Variants in SLC24A2 observed in about 807,000 individuals in gnomAD.
SLC24A2 encodes solute carrier family 24 member 2, also known as sodium/potassium/calcium exchanger 2.
In SLC24A2, 36 loss-of-function variants were observed where a neutral mutation model predicts 62.0. The ratio of observed to expected loss-of-function variants is 0.58; its 90% confidence interval spans 0.44 to 0.77. The LOEUF is 0.77. SLC24A2 is among the 30% of genes least tolerant of loss of function. SLC24A2 has a pLI of 0.00. For missense variants in SLC24A2, 846 were observed against 817.9 expected, an observed-to-expected ratio of 1.03 and a Z score of -0.42; for synonymous variants, 358 against 294.0, an observed-to-expected ratio of 1.22 and a Z score of -2.23.
At chr9:19,651,753 G>A (rs1187122999) in intron 2 of SLC24A2, among the ~76,000 whole-genome samples, 4 of 152,158 alleles carry the variant, frequency 2.6e-5, no homozygotes, top group Middle Eastern at 3.2e-3. Context: ...CTAAGATTAG[G>A]ATTGAGGGCC....
At chr9:20,167,354 T>C in the SLC24A2 span, among the ~76,000 whole-genome samples, 6 of 151,970 alleles carry the variant, frequency 3.9e-5, no homozygotes, top group Non-Finnish European at 7.4e-5. Context: ...TAAATGTGTT[T>C]GTGTTGTTGG....
intron 2 of SLC24A2, among the ~76,000 whole-genome samples, chr9:19,766,641 G>C (rs1035792330): frequency 6.6e-6 from 1 of 152,234 alleles, no homozygotes; most frequent in African/African-American, 2.4e-5. Context: ...GAACAGCAAA[G>C]ATTGATGCCT....
intron 7 of SLC24A2, among the ~76,000 whole-genome samples, chr9:19,560,918 GAGAGA>G (rs1835363774): frequency 1.3e-5 from 1 of 79,490 alleles, no homozygotes; most frequent in Admixed American, 1.4e-4. Context: ...TATATATATA[GAGAGA>G]GAGAGAGAGA....
rs542175937 is a variant in SLC24A2, at chr9:19,696,410, C to T, written c.931-74111G>A. ...ACAGGGAAATCAACTTGATGAGGGG[C>T]CTAGTACAGCCATTTGCACAGCTCC... On this transcript the variant is annotated intron_variant, in intron 2 of 10. Coordinates refer to ENST00000341998, the MANE Select transcript of SLC24A2 (RefSeq NM_020344.4). Among the ~76,000 whole-genome samples, 4 of 152,270 alleles carry T rather than the reference C, an allele frequency of 2.6e-5. No individual in the cohort carries two copies. The South Asian group carries it at 8.3e-4, about 32-fold the overall frequency.
intron 2 of SLC24A2, among the ~76,000 whole-genome samples, chr9:19,733,132 T>C (rs1821388854): frequency 6.6e-6 from 1 of 151,902 alleles, no homozygotes. Flanking sequence ...TTCTGGATGG[T>C]ATCTTGGTCC....
At chr9:19,540,574 C>T (rs1309343629) in intron 8 of SLC24A2, among the ~76,000 whole-genome samples, 3,075 of 145,950 alleles carry the variant, frequency 0.021, 154 homozygotes, top group African/African-American at 0.075. Context: ...CCGAGAGATC[C>T]GCTGTTAGTC....
At chr9:20,275,791 T>G in the SLC24A2 span, among the ~76,000 whole-genome samples, 1 of 152,140 alleles carries the variant, frequency 6.6e-6, no homozygotes, top group African/African-American at 2.4e-5. Flanking sequence ...TGGGGAGGCC[T>G]CACAATCATG....
the SLC24A2 span, among the ~76,000 whole-genome samples, chr9:20,202,537 G>C: frequency 2.0e-5 from 3 of 152,118 alleles, no homozygotes; most frequent in Non-Finnish European, 4.4e-5. Flanking sequence ...GGGGATAGTT[G>C]TGGGTTTCAG....
the SLC24A2 span, among the ~76,000 whole-genome samples, chr9:19,956,992 G>A: frequency 6.6e-6 from 1 of 152,180 alleles, no homozygotes; most frequent in African/African-American, 2.4e-5. Context: ...CCTCCGGACT[G>A]TGAGAAATAA....
chr9:20,237,278 G>C, the SLC24A2 span, among the ~76,000 whole-genome samples: 28 of 152,286 alleles, frequency 1.8e-4, no homozygotes, highest in East Asian at 1.7e-3. Flanking sequence ...CCACCATTTA[G>C]TGAGCACCTT....
At chr9:19,924,430 C>A in the SLC24A2 span, among the ~76,000 whole-genome samples, 1 of 152,156 alleles carries the variant, frequency 6.6e-6, no homozygotes, top group Non-Finnish European at 1.5e-5. Flanking sequence ...CCTGCTTTTC[C>A]CCTTTTCTTG....
intron 2 of SLC24A2, among the ~76,000 whole-genome samples, chr9:19,779,919 T>C (rs1822960571): frequency 6.6e-6 from 1 of 151,806 alleles, no homozygotes; most frequent in African/African-American, 2.4e-5. Flanking sequence ...AAAAATTAGC[T>C]GGATGTCGTG....
rs1554690361 is a variant in SLC24A2 at position 19,636,315 on chromosome 9, T to TTTCTTTCTTTTTCTTTCTTTCTTTCTTTC, written c.931-14017_931-14016insGAAAGAAAGAAAGAAAGAAAAAGAAAGAA. Among the ~76,000 whole-genome samples, 2 of 40,328 alleles carry TTTCTTTCTTTTTCTTTCTTTCTTTCTTTC rather than the reference T, an allele frequency of 5.0e-5. 1 individual carries two copies. Among genetic ancestry groups the TTTCTTTCTTTTTCTTTCTTTCTTTCTTTC allele is most frequent in the African/African-American group, 2.3e-4 (2 of 8,648 alleles). 26.5% of individuals were successfully genotyped at this position (40,328 alleles called of 152,430 possible). A position where few individuals can be genotyped will look rare whatever the true frequency, so the allele number is the denominator to read the frequency against. ...TTTTCTTTTCTTTTCTTTTCTTTTC[T>TTTCTTTCTTTTTCTTTCTTTCTTTCTTTC]TTTCTTTCTTTCTTTCTTTCTTTCT... On this transcript the variant is annotated intron_variant, in intron 2 of 10. Transcript: ENST00000341998.
At chr9:20,097,654 C>T in the SLC24A2 span, among the ~76,000 whole-genome samples, 1 of 150,540 alleles carries the variant, frequency 6.6e-6, no homozygotes, top group Non-Finnish European at 1.5e-5. Flanking sequence ...TAAGACAGTC[C>T]CAATGTGGTT....
chr9:20,121,151 T>C, the SLC24A2 span, among the ~76,000 whole-genome samples: 1 of 149,702 alleles, frequency 6.7e-6, no homozygotes. Context: ...CTAATTTCTA[T>C]AGAAAAGCCT....
At chr9:20,092,742 G>C in the SLC24A2 span, among the ~76,000 whole-genome samples, 1 of 152,086 alleles carries the variant, frequency 6.6e-6, no homozygotes, top group African/African-American at 2.4e-5. Flanking sequence ...CAGGGCAGGG[G>C]GATGAGGACA....
the SLC24A2 span, among the ~76,000 whole-genome samples, chr9:19,959,378 A>C: frequency 6.6e-6 from 1 of 152,226 alleles, no homozygotes; most frequent in East Asian, 1.9e-4. Context: ...ACTGAAGTTC[A>C]TTTGACAGAG....
the SLC24A2 span, among the ~76,000 whole-genome samples, chr9:19,936,103 G>C: frequency 6.6e-6 from 1 of 152,032 alleles, no homozygotes; most frequent in African/African-American, 2.4e-5. Flanking sequence ...CCATAAACGA[G>C]GCTGCCACCA....
chr9:19,705,931 T>C (rs1309192744), intron 2 of SLC24A2, among the ~76,000 whole-genome samples: 4 of 152,084 alleles, frequency 2.6e-5, no homozygotes, highest in Non-Finnish European at 4.4e-5. Flanking sequence ...TGGAGAGTTC[T>C]GTAGATGTCT....
Sources: gnomAD v4.1 joint callset for allele counts (sites outside exome capture counted in the v4.1 genomes callset) on GRCh38, gnomAD v4.1.1 for gene constraint, MANE v1.5 for transcripts, NCBI Gene and HGNC (gene_info 2026-07-23, HGNC 2026-07-21) for gene names.